Variants in RORB observed in about 807,000 individuals in gnomAD.
RORB encodes the protein nuclear receptor ROR-beta.
In RORB, 6 loss-of-function variants were observed where a neutral mutation model predicts 59.1. The observed-to-expected ratio is 0.10, with a 90% CI of 0.06 to 0.20. RORB has a LOEUF of 0.20. RORB is among the 10% of genes least tolerant of loss of function. RORB has a pLI of 1.00. For synonymous variants in RORB, 215 were observed against 204.5 expected (o/e 1.05, Z -0.44); for missense variants, 320 against 560.5 (o/e 0.57, Z 4.33).
chr9:74,630,375 A>T lies in RORB; in HGVS notation c.93+8A>T, dbSNP rs748357347. On this transcript the variant is annotated splice_region_variant and intron_variant, in intron 2 of 9. Coordinates refer to ENST00000376896, the MANE Select transcript of RORB (RefSeq NM_006914.4). ...ACATGTGAAGGCTGCAAGGTATGGG[A>T]CTTTCATACAGCACGGTTCTGTATT... 1.2e-6 allele frequency: 2 copies of T among 1,608,024 alleles called. No homozygotes were observed. Among genetic ancestry groups the T allele is most frequent in the Non-Finnish European group, 1.7e-6 (2 of 1,175,896 alleles).
At chr9:74,592,838 C>T (rs1032811295) in intron 1 of RORB, among the ~76,000 whole-genome samples, 2 of 152,090 alleles carry the variant, frequency 1.3e-5, no homozygotes, top group South Asian at 4.1e-4. Flanking sequence ...CTCACTCTCA[C>T]ACACACACAT....
chr9:74,583,372 C>T (rs981525336), intron 1 of RORB, among the ~76,000 whole-genome samples: 1 of 152,056 alleles, frequency 6.6e-6, no homozygotes, highest in African/African-American at 2.4e-5. Flanking sequence ...TGTAGACAGT[C>T]ATGGTAATTC....
chr9:74,629,140 T>C (rs757521834), intron 1 of RORB, among the ~76,000 whole-genome samples: 2 of 151,908 alleles, frequency 1.3e-5, no homozygotes, highest in Admixed American at 6.6e-5. Flanking sequence ...CTTTGAACCA[T>C]CTTTCTATTT....
intron 1 of RORB, among the ~76,000 whole-genome samples, chr9:74,586,504 A>G (rs553568476): frequency 4.6e-5 from 7 of 152,214 alleles, no homozygotes; most frequent in African/African-American, 1.7e-4. Flanking sequence ...TCTGAAAAGA[A>G]AAGAAAAAAG....
chr9:74,571,817 G>A (rs1454849511), intron 1 of RORB, among the ~76,000 whole-genome samples: 1 of 152,164 alleles, frequency 6.6e-6, no homozygotes, highest in Non-Finnish European at 1.5e-5. Flanking sequence ...AGGCAAGGTT[G>A]CAAGGCAGGA....
intron 1 of RORB, among the ~76,000 whole-genome samples, chr9:74,532,106 T>G (rs544602489): frequency 1.3e-5 from 2 of 152,114 alleles, no homozygotes; most frequent in African/African-American, 4.8e-5. Context: ...AGCTTACCTA[T>G]CCTTGATCAG....
intron 1 of RORB, among the ~76,000 whole-genome samples, chr9:74,609,608 C>T (rs1823203970): frequency 6.6e-6 from 1 of 152,188 alleles, no homozygotes; most frequent in African/African-American, 2.4e-5. Context: ...GTTTCAGACA[C>T]CGTCACCTGT....
intron 9 of RORB, among the ~76,000 whole-genome samples, chr9:74,673,359 A>G (rs1824380642): frequency 6.6e-6 from 1 of 152,168 alleles, no homozygotes; most frequent in Non-Finnish European, 1.5e-5. Flanking sequence ...TAGTCTTGAA[A>G]AAACACAAAG....
At chr9:74,498,090 A>G in intron 1 of RORB, 107 bp downstream of exon 1, 1 of 1,304,496 alleles carries the variant, frequency 7.7e-7, no homozygotes, top group Non-Finnish European at 1.1e-6. Flanking sequence ...GAGGTTGCCC[A>G]GGCGCAGTTC....
chr9:74,633,155 CCTTT>C (rs1305941731), intron 2 of RORB, among the ~76,000 whole-genome samples: 1 of 152,166 alleles, frequency 6.6e-6, no homozygotes, highest in Non-Finnish European at 1.5e-5. Flanking sequence ...TAACACAGAT[CCTTT>C]CTTTAAACTA....
Position 74,568,755 on chromosome 9 carries a change from T to A in RORB, c.8-61527T>A, listed in dbSNP as rs573617701. On this transcript the variant is annotated intron_variant, in intron 1 of 9. Transcript: ENST00000376896. ...AACTGGAAGTTTGTCTTTAAAAATA[T>A]TACAATAGTTTGAACTAGCATTATC... Among the ~76,000 whole-genome samples the A allele has an allele frequency of 6.6e-5, 10 of 150,906 alleles. No individual in the cohort carries two copies. In the East Asian group the frequency reaches 1.6e-3, roughly 23 times the overall value.
chr9:74,550,504 T>C (rs1022834151), intron 1 of RORB, among the ~76,000 whole-genome samples: 6 of 152,232 alleles, frequency 3.9e-5, no homozygotes, highest in Non-Finnish European at 8.8e-5. Context: ...GAAATACTTT[T>C]CCATTAGTTT....
intron 7 of RORB, among the ~76,000 whole-genome samples, chr9:74,666,768 T>C (rs141391863): frequency 2.6e-5 from 4 of 152,286 alleles, no homozygotes; most frequent in African/African-American, 9.6e-5. Flanking sequence ...CCCAGACCAT[T>C]CCTGTGGGAA....
chr9:74,538,690 A>C (rs1321759415), intron 1 of RORB, among the ~76,000 whole-genome samples: 1 of 151,746 alleles, frequency 6.6e-6, no homozygotes, highest in Non-Finnish European at 1.5e-5. Context: ...CTACTTCATA[A>C]AGTAATTTTT....
Position 74,689,744 on chromosome 9 carries a change from A to G in RORB, c.*4126A>G, listed in dbSNP as rs959396374. 1 of 152,186 alleles carries G rather than the reference A, an allele frequency of 6.6e-6. No homozygotes were observed. Among genetic ancestry groups the G allele is most frequent in the Admixed American group, 6.5e-5 (1 of 15,284 alleles). The allele number at this position is 152,186 out of a possible 1,614,324, so 9.4% of individuals were successfully genotyped here. On this transcript the variant is annotated 3_prime_UTR_variant, in exon 10 of 10. Coordinates refer to ENST00000376896, the MANE Select transcript of RORB (RefSeq NM_006914.4). ...AAACCATGAAGATCAACTCATGCTC[A>G]CTCTCTACAATGCAATGTGTACGAG...
chr9:74,541,865 T>C (rs961326691), intron 1 of RORB, among the ~76,000 whole-genome samples: 26 of 152,184 alleles, frequency 1.7e-4, no homozygotes, highest in African/African-American at 5.8e-4. Context: ...GAGATTCTAA[T>C]AGGAGACCTC....
intron 1 of RORB, among the ~76,000 whole-genome samples, chr9:74,500,918 G>A (rs543893487): frequency 1.2e-4 from 18 of 152,076 alleles, no homozygotes; most frequent in Non-Finnish European, 2.4e-4. Flanking sequence ...CTGTGAGAGG[G>A]TACCACAGAA....
intron 1 of RORB, among the ~76,000 whole-genome samples, chr9:74,547,093 C>CA (rs1247623120): frequency 1.3e-5 from 2 of 151,966 alleles, no homozygotes; most frequent in African/African-American, 4.8e-5. Context: ...GACTCCATCT[C>CA]AAAAAAATAA....
At chr9:74,536,883 T>C (rs1477931042) in intron 1 of RORB, among the ~76,000 whole-genome samples, 1 of 152,004 alleles carries the variant, frequency 6.6e-6, no homozygotes, top group Non-Finnish European at 1.5e-5. Flanking sequence ...TAAACTTTTC[T>C]ATAGTGTGTT....
Sources: gnomAD v4.1 joint callset for allele counts (sites outside exome capture counted in the v4.1 genomes callset) on GRCh38, gnomAD v4.1.1 for gene constraint, MANE v1.5 for transcripts, NCBI Gene and HGNC (gene_info 2026-07-23, HGNC 2026-07-21) for gene names.